FAAH2: variants seen among roughly 807,000 people sequenced by gnomAD.
FAAH2 encodes fatty-acid amide hydrolase 2.
In FAAH2, 60 loss-of-function variants were observed where a neutral mutation model predicts 36.9. The ratio of observed to expected loss-of-function variants is 1.63; its 90% CI spans 1.32 to 2.02. FAAH2 has a LOEUF of 2.02. Ranked by LOEUF, FAAH2 falls within the 30% of genes most tolerant of loss-of-function variation. FAAH2 has a pLI of 0.00. For synonymous variants in FAAH2, 214 were observed against 143.8 expected, an observed-to-expected ratio of 1.49 and a Z score of -3.49; for missense variants, 689 against 397.5, an observed-to-expected ratio of 1.73 and a Z score of -6.23.
intron 7 of FAAH2, among the ~76,000 whole-genome samples, chrX:57,427,076 C>A (rs2056180397): frequency 1.8e-5 from 2 of 110,378 alleles, no homozygotes; most frequent in Non-Finnish European, 3.8e-5. Context: ...ACTGATATCA[C>A]AAAAATAAGA....
At chrX:57,336,377 G>A (rs2147031511) in intron 4 of FAAH2, among the ~76,000 whole-genome samples, 1 of 111,173 alleles carries the variant, frequency 9.0e-6, no homozygotes, top group Admixed American at 9.6e-5. Context: ...CAGCCCACCT[G>A]CACCCAGGTG....
chrX:57,123,156 C>A, the FAAH2 span, among the ~76,000 whole-genome samples: 1 of 111,044 alleles, frequency 9.0e-6, no homozygotes, highest in Non-Finnish European at 1.9e-5. Context: ...TCTCCCCTAC[C>A]CCCACCTCAC....
At chrX:57,352,700 A>G (rs1387974678) in intron 5 of FAAH2, among the ~76,000 whole-genome samples, 1 of 111,381 alleles carries the variant, frequency 9.0e-6, no homozygotes, top group African/African-American at 3.2e-5. Flanking sequence ...ATAATCTTAG[A>G]TATAGAAAAA....
chrX:57,361,793 T>C (rs894553963), intron 5 of FAAH2, among the ~76,000 whole-genome samples: 3 of 112,070 alleles, frequency 2.7e-5, no homozygotes, highest in Admixed American at 1.9e-4. Flanking sequence ...TTCTCTCAGA[T>C]TGAACAATTC....
upstream of FAAH2, chrX:57,286,689 C>G (rs2051815326): frequency 1.7e-6 from 1 of 596,554 alleles, no homozygotes; most frequent in Admixed American, 5.6e-5. Context: ...TAAACAAGCT[C>G]CTGTGGAATT....
At chrX:57,398,870 T>C (rs1436387277) in intron 7 of FAAH2, among the ~76,000 whole-genome samples, 1 of 111,694 alleles carries the variant, frequency 9.0e-6, no homozygotes, top group Non-Finnish European at 1.9e-5. Flanking sequence ...GAAATCCAGC[T>C]AGTCCTGTCT....
chrX:57,479,700 G>T (rs1196287924), intron 10 of FAAH2, among the ~76,000 whole-genome samples: 6 of 111,369 alleles, frequency 5.4e-5, no homozygotes, highest in Admixed American at 3.8e-4. Flanking sequence ...GCATGAAGAG[G>T]TGTTGAATTT....
rs199749804 is a variant in FAAH2 at position 57,378,729 on chromosome X, G to T, written c.821G>T (p.Arg274Leu). ...TTTCTGTGCACTGGTCCTATGTGCCGTTATGCTGAAGACCTGGCCCCCATG... is the reference window on the plus strand; with the variant it reads ...TTTCTGTGCACTGGTCCTATGTGCCTTTATGCTGAAGACCTGGCCCCCATG... ...ELFLCTGPMC[R>L]YAEDLAPMLK... Residue 274 changes from arginine to leucine, a missense_variant, in exon 6 of 11, where the codon CGT becomes CTT. Arg to Leu is a moderately radical substitution (Grantham distance 102). Coordinates refer to ENST00000374900, the MANE Select transcript of FAAH2 (RefSeq NM_174912.4). 1 of 1,207,623 alleles carries T rather than the reference G, an allele frequency of 8.3e-7. No individual in the cohort carries two copies. The highest frequency in any genetic ancestry group is 2.2e-5 in the Admixed American group (1 of 45,426).
chrX:57,235,746 G>A, the FAAH2 span, among the ~76,000 whole-genome samples: 1 of 112,140 alleles, frequency 8.9e-6, no homozygotes, highest in Non-Finnish European at 1.9e-5. Context: ...CTATGCTTAT[G>A]CAATACAGTG....
At chrX:57,269,633 A>G in the FAAH2 span, among the ~76,000 whole-genome samples, 1 of 112,001 alleles carries the variant, frequency 8.9e-6, no homozygotes, top group East Asian at 2.8e-4. Context: ...ATTTTGGGGT[A>G]AAAAATGAAA....
the FAAH2 span, among the ~76,000 whole-genome samples, chrX:57,201,890 A>G: frequency 9.0e-6 from 1 of 110,536 alleles, no homozygotes; most frequent in Non-Finnish European, 1.9e-5. Context: ...GCTTAGTAAT[A>G]TTTTTTTTCT....
intron 10 of FAAH2, among the ~76,000 whole-genome samples, chrX:57,480,958 C>A (rs1488845561): frequency 3.0e-5 from 3 of 99,600 alleles, no homozygotes; most frequent in Non-Finnish European, 6.1e-5. Context: ...TTTTTTTTTT[C>A]TAATCTTGTA....
intron 5 of FAAH2, 103 bp from the exon 6 acceptor site, chrX:57,378,548 C>G (rs1361065398): frequency 9.6e-6 from 10 of 1,044,356 alleles, no homozygotes; most frequent in Admixed American, 2.9e-5. Context: ...AAGTTTTAAC[C>G]AGGAGAAAAA....
At chrX:57,367,043 G>A (rs1239225263) in intron 5 of FAAH2, among the ~76,000 whole-genome samples, 1 of 112,369 alleles carries the variant, frequency 8.9e-6, no homozygotes, top group Non-Finnish European at 1.9e-5. Flanking sequence ...GGTGTACGTG[G>A]TGGTTGTGTG....
chrX:57,451,468 C>A (rs1450070821), intron 10 of FAAH2, among the ~76,000 whole-genome samples: 1 of 111,761 alleles, frequency 8.9e-6, no homozygotes, highest in African/African-American at 3.3e-5. Context: ...TAGCTTAGTA[C>A]AAGAGACAAA....
At chrX:57,294,509 C>A (rs1016305083) in intron 2 of FAAH2, among the ~76,000 whole-genome samples, 17 of 111,679 alleles carry the variant, frequency 1.5e-4, no homozygotes, top group Non-Finnish European at 7.5e-5. Flanking sequence ...CCTTCTTTTC[C>A]CAAATCTATC....
chrX:57,363,171 G>A (rs1300000718), intron 5 of FAAH2, among the ~76,000 whole-genome samples: 1 of 111,719 alleles, frequency 9.0e-6, no homozygotes, highest in East Asian at 2.8e-4. Flanking sequence ...GGGAAGTATG[G>A]CCATTTTAAC....
chrX:57,472,261 G>A (rs1247773557), intron 10 of FAAH2, among the ~76,000 whole-genome samples: 2 of 111,757 alleles, frequency 1.8e-5, no homozygotes, highest in Non-Finnish European at 3.8e-5. Flanking sequence ...ATTATACTAA[G>A]GCGCTTCTGC....
intron 7 of FAAH2, among the ~76,000 whole-genome samples, chrX:57,397,097 G>A (rs1034306195): frequency 8.9e-6 from 1 of 111,779 alleles, no homozygotes. Context: ...TGTTTAAAGA[G>A]TAGCTCAGTT....
Sources: allele counts gnomAD v4.1 joint callset (sites outside exome capture counted in the v4.1 genomes callset), GRCh38; gene constraint gnomAD v4.1.1; transcripts MANE v1.5; gene names NCBI Gene and HGNC (gene_info 2026-07-23, HGNC 2026-07-21).